Variants in PNLIPRP3 observed in about 807,000 individuals in gnomAD.
The protein encoded by PNLIPRP3 is pancreatic lipase-related protein 3.
PNLIPRP3 carries 58 observed loss-of-function variants against 52.8 expected under a neutral mutation model. The ratio of observed to expected loss-of-function variants is 1.10; its 90% confidence interval spans 0.89 to 1.37. The LOEUF (loss-of-function observed/expected upper bound fraction) is 1.37. Among genes scored for constraint, PNLIPRP3 ranks in the 40% most tolerant of loss-of-function variants. The probability of loss-of-function intolerance (pLI) is 0.00; values close to 1 mark genes in which losing one functional copy is unlikely to be tolerated. For synonymous variants in PNLIPRP3, 192 were observed against 185.0 expected (o/e 1.04, Z -0.31); for missense variants, 593 against 561.6 (o/e 1.06, Z -0.57).
chr10:116,467,535 C>T (rs1846299819), intron 8 of PNLIPRP3, among the ~76,000 whole-genome samples: 1 of 152,046 alleles, frequency 6.6e-6, no homozygotes, highest in African/African-American at 2.4e-5. Context: ...AAAATGTTCA[C>T]ATTTCATTCC....
intron 7 of PNLIPRP3, among the ~76,000 whole-genome samples, chr10:116,464,177 T>G (rs1846241865): frequency 1.3e-5 from 2 of 152,198 alleles, no homozygotes; most frequent in South Asian, 4.1e-4. Flanking sequence ...AACCCCCCAC[T>G]TGTTACACCT....
intron 3 of PNLIPRP3, among the ~76,000 whole-genome samples, chr10:116,444,103 C>A (rs1256336890): frequency 1.3e-5 from 2 of 151,700 alleles, no homozygotes; most frequent in African/African-American, 4.8e-5. Context: ...GGGAAGAATC[C>A]CTTATAAAAC....
intron 1 of PNLIPRP3, among the ~76,000 whole-genome samples, chr10:116,429,131 C>T (rs193129320): frequency 4.3e-4 from 65 of 152,228 alleles, no homozygotes; most frequent in African/African-American, 1.5e-3. Context: ...TAAGCACTAA[C>T]ATGATGCCAC....
intron 1 of PNLIPRP3, among the ~76,000 whole-genome samples, chr10:116,428,561 T>C (rs1047919964): frequency 9.9e-5 from 15 of 152,182 alleles, no homozygotes; most frequent in Non-Finnish European, 1.5e-4. Flanking sequence ...CCATTTTTTT[T>C]CCACTTCAGT....
chr10:116,436,505 A>G (rs1845775723), intron 1 of PNLIPRP3, among the ~76,000 whole-genome samples: 1 of 152,232 alleles, frequency 6.6e-6, no homozygotes, highest in Admixed American at 6.5e-5. Flanking sequence ...GTGGGATTGC[A>G]TTAAACAAAA....
intron 1 of PNLIPRP3, among the ~76,000 whole-genome samples, chr10:116,429,511 G>A (rs966709918): frequency 5.3e-5 from 8 of 152,216 alleles, no homozygotes; most frequent in African/African-American, 1.9e-4. Flanking sequence ...GTAACATCTT[G>A]GCGCTAGCTT....
At chr10:116,466,005 G>C (rs1846276787) in intron 7 of PNLIPRP3, 45 bp from the exon 8 acceptor site, 3 of 1,349,452 alleles carry the variant, frequency 2.2e-6, no homozygotes, top group African/African-American at 2.9e-5. Context: ...TATGCTACCA[G>C]TTATCAGTTA....
At chr10:116,439,845 A>G (rs532607001) in intron 2 of PNLIPRP3, 1 of 779,394 alleles carries the variant, frequency 1.3e-6, no homozygotes, top group Non-Finnish European at 2.4e-6. Flanking sequence ...AGCGCACTTT[A>G]ATCACCTTTG....
At chr10:116,455,867 A>G (rs748542772) in intron 5 of PNLIPRP3, 37 bp downstream of exon 5, 5 of 1,486,718 alleles carry the variant, frequency 3.4e-6, no homozygotes, top group Non-Finnish European at 9.4e-7. Context: ...GAGTGTGTTT[A>G]AATATTGTTT....
At chr10:116,441,524 C>A (rs1292127965) in intron 2 of PNLIPRP3, among the ~76,000 whole-genome samples, 1 of 152,114 alleles carries the variant, frequency 6.6e-6, no homozygotes, top group Non-Finnish European at 1.5e-5. Context: ...ATCTTAGAGA[C>A]ATAGATGGAA....
chr10:116,428,206 A>G (rs1378038173), intron 1 of PNLIPRP3, 145 bp downstream of exon 1: 3 of 610,358 alleles, frequency 4.9e-6, no homozygotes, highest in Non-Finnish European at 8.5e-6. Flanking sequence ...ATATGTTTAA[A>G]ATATTGGCTG....
At chr10:116,468,126 CAAAAAAAAAAAAA>C (rs5788168) in intron 8 of PNLIPRP3, among the ~76,000 whole-genome samples, 3 of 39,496 alleles carry the variant, frequency 7.6e-5, no homozygotes, top group Admixed American at 4.4e-4. Context: ...CTCTGTCTCG[CAAAAAAAAAAAAA>C]AAAAAAAAAA....
At chr10:116,462,357 C>T (rs1443864235) in intron 7 of PNLIPRP3, among the ~76,000 whole-genome samples, 3 of 149,898 alleles carry the variant, frequency 2.0e-5, no homozygotes, top group African/African-American at 7.3e-5. Context: ...TAATGGATAC[C>T]TGGATGATTC....
chr10:116,438,139 G>C (rs750395732), intron 2 of PNLIPRP3, among the ~76,000 whole-genome samples: 1 of 152,290 alleles, frequency 6.6e-6, no homozygotes, highest in Non-Finnish European at 1.5e-5. Flanking sequence ...GGCTTGAGCA[G>C]GCTGTTGGAG....
chr10:116,456,899 G>A (rs955739220), intron 5 of PNLIPRP3, among the ~76,000 whole-genome samples: 1 of 152,124 alleles, frequency 6.6e-6, no homozygotes, highest in African/African-American at 2.4e-5. Context: ...CTTGGTCCCC[G>A]CTGGTGCCCC....
intron 4 of PNLIPRP3, among the ~76,000 whole-genome samples, chr10:116,455,224 C>T (rs1376047013): frequency 6.6e-6 from 1 of 152,118 alleles, no homozygotes; most frequent in Non-Finnish European, 1.5e-5. Context: ...GGATCATTTG[C>T]TTTCTTGATA....
intron 4 of PNLIPRP3, among the ~76,000 whole-genome samples, chr10:116,454,224 T>C (rs1240307990): frequency 6.6e-6 from 1 of 152,146 alleles, no homozygotes. Flanking sequence ...GTTCAAGTGA[T>C]TCTCCTGCTT....
intron 10 of PNLIPRP3, among the ~76,000 whole-genome samples, chr10:116,475,714 A>T (rs1846452431): frequency 6.6e-6 from 1 of 152,198 alleles, no homozygotes; most frequent in Non-Finnish European, 1.5e-5. Flanking sequence ...ATGCAGACAC[A>T]GGTCCGTCTT....
At chr10:116,465,214 G>A (rs1846260465) in intron 7 of PNLIPRP3, among the ~76,000 whole-genome samples, 1 of 152,084 alleles carries the variant, frequency 6.6e-6, no homozygotes, top group Non-Finnish European at 1.5e-5. Flanking sequence ...GCTGTAGGTA[G>A]CCTTGGAAAA....
Sources: allele counts gnomAD v4.1 joint callset (sites outside exome capture counted in the v4.1 genomes callset), GRCh38; gene constraint gnomAD v4.1.1; transcripts MANE v1.5; gene names NCBI Gene and HGNC (gene_info 2026-07-23, HGNC 2026-07-21).